Variants in RSPH6A observed in about 807,000 individuals in gnomAD.
The protein encoded by RSPH6A is radial spoke head protein 6 homolog A.
RSPH6A carries 49 observed loss-of-function variants against 66.1 expected under a neutral mutation model. That is an observed-to-expected ratio of 0.74 (90% CI 0.59 to 0.94). RSPH6A has a LOEUF of 0.94. Ranked by LOEUF, RSPH6A falls within the 40% of genes least tolerant of loss-of-function variation. RSPH6A has a pLI of 0.00. For synonymous variants in RSPH6A, 419 were observed against 402.4 expected (o/e 1.04, Z -0.49); for missense variants, 977 against 948.3 (o/e 1.03, Z -0.40).
chr19:45,810,961 C>T (rs946634820), intron 1 of RSPH6A, 121 bp from the exon 2 acceptor site: 2 of 629,238 alleles, frequency 3.2e-6, no homozygotes, highest in African/African-American at 3.7e-5. Context: ...GAAAAGGTCC[C>T]TGCCCAGGTG....
At chr19:45,806,703 A>T (rs1970548568) in intron 2 of RSPH6A, among the ~76,000 whole-genome samples, 1 of 121,862 alleles carries the variant, frequency 8.2e-6, no homozygotes, top group South Asian at 2.7e-4. Flanking sequence ...AAAAAAAAAA[A>T]AAAAAGGAGG....
Position 45,804,356 on chromosome 19 carries a change from G to T in RSPH6A, c.1549C>A (p.Arg517Ser), listed in dbSNP as rs760746284. 6.2e-7 allele frequency: 1 copy of T among 1,614,138 alleles called. No individual in the cohort carries two copies. Among genetic ancestry groups the T allele is most frequent in the Non-Finnish European group, 8.5e-7 (1 of 1,180,010 alleles). ...TCCGGGTTCTCCTCGTAGGAGTCGC[G>T]CCCAGCACCACCTTCCTCCTCCTCG... ...GDEEEEGGAG[R>S]DSYEENPDFE... is the part of the protein sequence containing the mutation. Residue 517 changes from arginine (R) to serine (S), a missense_variant, in exon 3 of 6, where the codon CGC becomes AGC. Transcript: ENST00000221538. The surrounding 1 kb of genome is among the most constrained non-coding windows in gnomAD (Gnocchi z 5.8).
At chr19:45,806,411 G>A (rs543949272) in intron 2 of RSPH6A, among the ~76,000 whole-genome samples, 2 of 152,144 alleles carry the variant, frequency 1.3e-5, no homozygotes, top group South Asian at 2.1e-4. Context: ...AGTGATTCAC[G>A]CCTGTAATCC....
rs1391984559 is a variant in RSPH6A, at chr19:45,815,296, G to A, written c.-120C>T. 4.9e-6 allele frequency: 6 copies of A among 1,226,256 alleles called. No homozygotes were observed. The highest frequency in any genetic ancestry group is 2.6e-5 in the East Asian group (1 of 39,124). 76.0% of individuals were successfully genotyped at this position (1,226,256 alleles called of 1,614,324 possible). A position where few individuals can be genotyped will look rare whatever the true frequency, so the allele number is the denominator to read the frequency against. Reference sequence around the variant, plus strand: ...GAGAGAGGGGGCCGTTACCCGTGGAGGGCGCGGGGAGCGGGCCAGGGTGGG... The same window carrying A: ...GAGAGAGGGGGCCGTTACCCGTGGAAGGCGCGGGGAGCGGGCCAGGGTGGG... On this transcript the variant is annotated 5_prime_UTR_variant, in exon 1 of 6. Transcript: ENST00000221538.
chr19:45,815,254 G>T lies in RSPH6A; in HGVS notation c.-78C>A. 1 of 1,399,732 alleles carries T rather than the reference G, an allele frequency of 7.1e-7. No homozygotes were observed. Among genetic ancestry groups the T allele is most frequent in the Non-Finnish European group, 9.4e-7 (1 of 1,060,110 alleles). 86.7% of individuals were successfully genotyped at this position (1,399,732 alleles called of 1,614,324 possible). On this transcript the variant is annotated 5_prime_UTR_variant, in exon 1 of 6. Coordinates refer to ENST00000221538, the MANE Select transcript of RSPH6A (RefSeq NM_030785.4). Reference sequence around the variant, plus strand: ...CAAGCGAGAGCCACCTGTCGACACCGCCGGTTTCTGAGCACCGAGAGAGGG... The same window carrying T: ...CAAGCGAGAGCCACCTGTCGACACCTCCGGTTTCTGAGCACCGAGAGAGGG...
At chr19:45,814,126 T>C (rs1970665973) in intron 1 of RSPH6A, among the ~76,000 whole-genome samples, 1 of 152,012 alleles carries the variant, frequency 6.6e-6, no homozygotes, top group Non-Finnish European at 1.5e-5. Flanking sequence ...GCCACTGTGC[T>C]CCAGCCTGGG....
At chr19:45,810,379 C>G (rs757565729) in intron 2 of RSPH6A, among the ~76,000 whole-genome samples, 1 of 152,072 alleles carries the variant, frequency 6.6e-6, no homozygotes, top group Non-Finnish European at 1.5e-5. Context: ...ATCATGTTAG[C>G]AAAGATGGTC....
intron 5 of RSPH6A, among the ~76,000 whole-genome samples, chr19:45,800,148 AG>A (rs2146281631): frequency 6.6e-6 from 1 of 152,328 alleles, no homozygotes; most frequent in South Asian, 2.1e-4. Flanking sequence ...TGCTGTCATC[AG>A]GGGGCTGGAG....
intron 1 of RSPH6A, among the ~76,000 whole-genome samples, chr19:45,811,591 C>A (rs1350681124): frequency 6.6e-6 from 1 of 151,630 alleles, no homozygotes; most frequent in Non-Finnish European, 1.5e-5. Flanking sequence ...GCATGCACCA[C>A]CATGTCCCGC....
intron 5 of RSPH6A, among the ~76,000 whole-genome samples, chr19:45,798,411 A>T (rs1173815300): frequency 2.6e-5 from 4 of 151,912 alleles, no homozygotes; most frequent in Non-Finnish European, 1.5e-5. Flanking sequence ...ACAGTGGCTC[A>T]CGTCTGTAAT....
In RSPH6A at chr19:45,810,650, G is replaced by C. The variant is rs147742600; in HGVS notation, c.841C>G (p.Arg281Gly). 6.2e-7 allele frequency: 1 copy of C among 1,613,972 alleles called. No individual in the cohort carries two copies. The highest frequency in any genetic ancestry group is 1.1e-5 in the South Asian group (1 of 91,074). The change falls in exon 2 of 6, where the codon CGG becomes GGG. Residue 281 changes from arginine (R) to glycine (G), a missense_variant. Physicochemically the swap from Arg to Gly is moderately radical, Grantham distance 125 (BLOSUM62 -2). Transcript: ENST00000221538. ...TCGCCTTCAGTGCCGCCTCCACTCC[G>C]GGTGAACAGCGCCTTCTGTTTCTCC... ...MAEKQKALFTRSGGGTEGEQE... is the reference protein window; with the variant it reads ...MAEKQKALFTGSGGGTEGEQE...
Position 45,804,786 on chromosome 19 carries a change from C to T in RSPH6A, c.1119G>A (p.Glu373=), listed in dbSNP as rs745458815. 2.4e-5 allele frequency: 38 copies of T among 1,611,996 alleles called. No homozygotes were observed. The highest frequency in any genetic ancestry group is 3.2e-5 in the Non-Finnish European group (38 of 1,178,730). ...CGCCACCTTCCGTCATCTCCTCCAC[C>T]TCCTCCTCCTCTGCCTCCTCCTCGC... ...REGEEEAEEE[E]VEEMTEGGEV... Residue 373 remains glutamate (E), a synonymous_variant, in exon 3 of 6, where the codon GAG becomes GAA. Coordinates refer to ENST00000221538, the MANE Select transcript of RSPH6A (RefSeq NM_030785.4). This position sits in a 1 kb window ranked among gnomAD's most constrained non-coding sequence, Gnocchi z 5.8.
At chr19:45,808,570 G>A (rs900650109) in intron 2 of RSPH6A, among the ~76,000 whole-genome samples, 2 of 151,518 alleles carry the variant, frequency 1.3e-5, no homozygotes, top group Non-Finnish European at 2.9e-5. Context: ...TCCAGCCTGC[G>A]TGACAGAATG....
chr19:45,811,128 G>A (rs887414561), intron 1 of RSPH6A, among the ~76,000 whole-genome samples: 52 of 152,066 alleles, frequency 3.4e-4, no homozygotes, highest in Non-Finnish European at 6.2e-4. Flanking sequence ...CGAGTAGCTG[G>A]GATTATAGGC....
intron 3 of RSPH6A, among the ~76,000 whole-genome samples, chr19:45,803,993 C>CAAAAAAAAA (rs55863032): frequency 9.7e-6 from 1 of 103,474 alleles, no homozygotes; most frequent in Non-Finnish European, 2.0e-5. Flanking sequence ...GACTCTGTCT[C>CAAAAAAAAA]AAAAAAAAAA....
In RSPH6A at chr19:45,802,333, G is replaced by T. The variant is rs555645537; in HGVS notation, c.1654-69C>A. The T allele has an allele frequency of 5.5e-6, 7 of 1,281,030 alleles. No individual in the cohort carries two copies. The African/African-American group carries it at 1.1e-4, about 20-fold the overall frequency. 79.4% of individuals were successfully genotyped at this position (1,281,030 alleles called of 1,614,324 possible). ...ACCCAGCCTGCCTCCTGTGGGGGAGGTGAAGGGCCAACAGGCATAGCCTTG... is the reference window on the plus strand; with the variant it reads ...ACCCAGCCTGCCTCCTGTGGGGGAGTTGAAGGGCCAACAGGCATAGCCTTG... On this transcript the variant is annotated intron_variant, in intron 3 of 5. Transcript: ENST00000221538.
At chr19:45,799,830 C>T (rs1319323399) in intron 5 of RSPH6A, among the ~76,000 whole-genome samples, 4 of 152,070 alleles carry the variant, frequency 2.6e-5, no homozygotes, top group Non-Finnish European at 5.9e-5. Flanking sequence ...GCAGATCACT[C>T]GAGGTCAGGA....
intron 5 of RSPH6A, among the ~76,000 whole-genome samples, chr19:45,797,464 CAT>C (rs1038173980): frequency 6.6e-6 from 1 of 151,494 alleles, no homozygotes; most frequent in Non-Finnish European, 1.5e-5. Context: ...TTATGTGAGA[CAT>C]AATTTTATGT....
chr19:45,804,399 A>C lies in RSPH6A; in HGVS notation c.1506T>G (p.Phe502Leu). The part of the protein sequence containing the change: ...TQVSPLGFYQ[F>L]SEEEGDEEEE... ...CCTCCTCGTCGCCCTCCTCCTCACT[A>C]AACTGGTAGAAGCCCAGCGGGCTGA... Residue 502 changes from phenylalanine (F) to leucine (L), a missense_variant, in exon 3 of 6, where the codon TTT (phenylalanine) becomes TTG (leucine). Coordinates refer to ENST00000221538, the MANE Select transcript of RSPH6A (RefSeq NM_030785.4). This position sits in a 1 kb window ranked among gnomAD's most constrained non-coding sequence, Gnocchi z 5.8. The C allele has an allele frequency of 1.2e-6, 2 of 1,612,650 alleles. No individual in the cohort carries two copies. Among genetic ancestry groups the C allele is most frequent in the Non-Finnish European group, 1.7e-6 (2 of 1,179,574 alleles).
Sources: allele counts gnomAD v4.1 joint callset (sites outside exome capture counted in the v4.1 genomes callset), GRCh38; gene constraint gnomAD v4.1.1; non-coding constraint Gnocchi (gnomAD v3.1); transcripts MANE v1.5; gene names NCBI Gene and HGNC (gene_info 2026-07-23, HGNC 2026-07-21).